The following COQ6 variants were observed in gnomAD, a reference collection of about 807,000 sequenced individuals.
The protein encoded by COQ6 is coenzyme Q6, monooxygenase.
A neutral mutation model predicts 55.5 loss-of-function variants in COQ6; 45 were observed. That is an observed-to-expected ratio of 0.81 (90% CI 0.64 to 1.04). COQ6 has a LOEUF of 1.04. Ranked by LOEUF, COQ6 falls within the 50% of genes least tolerant of loss-of-function variation. COQ6 has a pLI of 0.00. For missense variants in COQ6, 550 were observed against 601.3 expected, an observed-to-expected ratio of 0.91 and a Z score of 0.89; for synonymous variants, 206 against 230.5, an observed-to-expected ratio of 0.89 and a Z score of 0.96.
At chr14:73,958,110 C>G (rs984496422) in intron 4 of COQ6, 37 bp from the exon 5 acceptor site, 60 of 1,573,416 alleles carry the variant, frequency 3.8e-5, no homozygotes, top group Middle Eastern at 1.7e-4. Flanking sequence ...TGTGGCCCAC[C>G]TTTCTAATTT....
In COQ6 at chr14:73,961,880, A is replaced by G. The variant is rs1414591285; in HGVS notation, c.1354A>G (p.Thr452Ala). 2 of 1,614,084 alleles carry G rather than the reference A, an allele frequency of 1.2e-6. No individual in the cohort carries two copies. The highest frequency in any genetic ancestry group is 2.7e-5 in the African/African-American group (2 of 74,924). The stretch of plus-strand genomic sequence containing the variant: ...GCTCAGGACGTGGGGCTTGCAGGCC[A>G]CAAATGCAGTGTCTCCACTCAAAGT... ...VLLRTWGLQATNAVSPLKEQI... is the reference protein window; with the variant it reads ...VLLRTWGLQAANAVSPLKEQI... Residue 452 changes from threonine to alanine, a missense_variant, in exon 11 of 12, where the codon ACA becomes GCA. Thr to Ala is a moderately conservative substitution (Grantham distance 58). Coordinates refer to ENST00000334571, the MANE Select transcript of COQ6 (RefSeq NM_182476.3).
At chr14:73,959,583 T>TC (rs753942908) in intron 8 of COQ6, 61 bp downstream of exon 8, 61 of 1,547,320 alleles carry the variant, frequency 3.9e-5, no homozygotes, top group South Asian at 1.6e-4. Flanking sequence ...AAGGTGTTGT[T>TC]TTTTTTTTTT....
chr14:73,950,858 G>A (rs1343018159), intron 1 of COQ6, among the ~76,000 whole-genome samples: 1 of 152,138 alleles, frequency 6.6e-6, no homozygotes, highest in African/African-American at 2.4e-5. Flanking sequence ...GTTTTGACTT[G>A]TATTTCCCTA....
chr14:73,953,337 AT>A, intron 1 of COQ6, 97 bp from the exon 2 acceptor site: 1 of 1,068,978 alleles, frequency 9.4e-7, no homozygotes. Flanking sequence ...TAAGAAATTC[AT>A]ATTCTAAGGG....
intron 8 of COQ6, chr14:73,960,284 CA>C: frequency 1.0e-6 from 1 of 985,854 alleles, no homozygotes; most frequent in Non-Finnish European, 1.2e-6. Context: ...TAAAGACTTT[CA>C]AAATGAGAGA....
intron 1 of COQ6, among the ~76,000 whole-genome samples, chr14:73,952,554 G>A (rs1245382606): frequency 6.6e-6 from 1 of 150,772 alleles, no homozygotes; most frequent in East Asian, 1.9e-4. Context: ...ATTTTTTTTT[G>A]TAGAGACAGG....
At chr14:73,954,261 T>C (rs1262653229) in intron 2 of COQ6, among the ~76,000 whole-genome samples, 2 of 152,182 alleles carry the variant, frequency 1.3e-5, no homozygotes, top group Non-Finnish European at 2.9e-5. Context: ...GCTCAGTAAA[T>C]ATTTCCTCAA....
chr14:73,962,598 A>G (rs2056795678), intron 11 of COQ6: 1 of 200,276 alleles, frequency 5.0e-6, no homozygotes, highest in Admixed American at 5.4e-5. Flanking sequence ...AATGATGAAG[A>G]TGTTTAAGCT....
intron 5 of COQ6, chr14:73,958,654 C>T: frequency 7.7e-7 from 1 of 1,303,698 alleles, no homozygotes; most frequent in Non-Finnish European, 9.8e-7. Context: ...AACCCTACAT[C>T]AGAACTATTC....
chr14:73,962,045 T>C, intron 11 of COQ6, 142 bp downstream of exon 11: 1 of 971,902 alleles, frequency 1.0e-6, no homozygotes, highest in Non-Finnish European at 1.6e-6. Flanking sequence ...CCTCCCAGGT[T>C]CAAGTGATTA....
chr14:73,962,660 GT>G, intron 11 of COQ6: 1 of 283,996 alleles, frequency 3.5e-6, no homozygotes, highest in Non-Finnish European at 6.5e-6. Flanking sequence ...TTAAAGATAT[GT>G]TTTTTCTGAT....
At chr14:73,958,770 G>A in intron 5 of COQ6, 1 of 1,483,596 alleles carries the variant, frequency 6.7e-7, no homozygotes, top group Non-Finnish European at 8.9e-7. Context: ...GTTCAGTCAT[G>A]TCCAGCTTTG....
In COQ6 at chr14:73,960,330, T is replaced by C. The variant is rs1195401584; in HGVS notation, c.891+808T>C. On this transcript the variant is annotated intron_variant, in intron 8 of 11. Transcript: ENST00000334571. ...AAATCCATGGAACATCTTTAGTACA[T>C]TGTAGGTGCTCAACAAATACTAATA... 8.1e-6 allele frequency: 8 copies of C among 986,958 alleles called. No homozygotes were observed. The African/African-American group carries it at 1.0e-4, about 13-fold the overall frequency. The allele number at this position is 986,958 out of a possible 1,614,324, so 61.1% of individuals were successfully genotyped here.
rs1566682549 is a variant in COQ6, at chr14:73,953,424, C to CT, written c.164-4dup. On this transcript the variant is annotated splice_polypyrimidine_tract_variant and intron_variant, in intron 1 of 11. Transcript: ENST00000334571. ...ATTTTCCTAAGATGATATAAATTTT[C>CT]TTTTTTTAAGGATATGATATTCACT... 3.1e-6 allele frequency: 5 copies of CT among 1,599,514 alleles called. No individual in the cohort carries two copies. The African/African-American group carries it at 4.0e-5, about 13-fold the overall frequency.
chr14:73,961,478 C>T lies in COQ6; in HGVS notation c.1118C>T (p.Pro373Leu), dbSNP rs199869505. 70 of 1,614,074 alleles carry T rather than the reference C, an allele frequency of 4.3e-5. No homozygotes were observed. Among genetic ancestry groups the T allele is most frequent in the Non-Finnish European group, 5.3e-5 (63 of 1,180,050 alleles). Reference protein sequence around the residue: ...LIGDAAHRVHPLAGQGVNMGF... With the variant: ...LIGDAAHRVHLLAGQGVNMGF... ...AGGGATGCAGCCCACAGAGTCCATCCGCTTGCAGGACAGGGTGTCAACATG... is the reference window on the plus strand; with the variant it reads ...AGGGATGCAGCCCACAGAGTCCATCTGCTTGCAGGACAGGGTGTCAACATG... The change falls in exon 10 of 12, where the codon CCG becomes CTG. Residue 373 changes from proline (P) to leucine (L), a missense_variant. Transcript: ENST00000334571.
intron 8 of COQ6, chr14:73,960,359 C>T: frequency 2.0e-6 from 2 of 986,882 alleles, no homozygotes; most frequent in Non-Finnish European, 2.4e-6. Context: ...ACTAATAATT[C>T]TGGAGTAGAC....
At chr14:73,951,318 A>C (rs1249856075) in intron 1 of COQ6, among the ~76,000 whole-genome samples, 1 of 151,562 alleles carries the variant, frequency 6.6e-6, no homozygotes, top group East Asian at 1.9e-4. Context: ...ATTCTGTATA[A>C]GTCCCTTATC....
intron 5 of COQ6, 117 bp downstream of exon 5, chr14:73,958,394 A>T: frequency 6.4e-7 from 1 of 1,554,494 alleles, no homozygotes; most frequent in East Asian, 2.4e-5. Flanking sequence ...ACTTTTGGTT[A>T]TGAGGACCAG....
At chr14:73,959,585 T>C (rs1427086333) in intron 8 of COQ6, 63 bp downstream of exon 8, 8 of 1,612,814 alleles carry the variant, frequency 5.0e-6, no homozygotes, top group Non-Finnish European at 6.8e-6. Flanking sequence ...GGTGTTGTTT[T>C]TTTTTTTTTG....
Sources: allele counts gnomAD v4.1 joint callset (sites outside exome capture counted in the v4.1 genomes callset), GRCh38; gene constraint gnomAD v4.1.1; transcripts MANE v1.5; gene names NCBI Gene and HGNC (gene_info 2026-07-23, HGNC 2026-07-21).